XKR5: variants seen among roughly 807,000 people sequenced by gnomAD.
The protein encoded by XKR5 is XK related 5, also known as XK-related protein 5.
A neutral mutation model predicts 40.8 loss-of-function variants in XKR5; 46 were observed. The ratio of observed to expected loss-of-function variants is 1.13; its 90% CI spans 0.89 to 1.44. The LOEUF (loss-of-function observed/expected upper bound fraction) is 1.44, where lower values mean the gene tolerates loss of function less well. XKR5 is among the 40% of genes most tolerant of loss of function. The probability of loss-of-function intolerance (pLI) is 0.00; values close to 1 mark genes in which losing one functional copy is unlikely to be tolerated. For missense variants in XKR5, 1,169 were observed against 844.7 expected, an observed-to-expected ratio of 1.38 and a Z score of -4.76; for synonymous variants, 466 against 356.1, an observed-to-expected ratio of 1.31 and a Z score of -3.48.
chr8:6,825,385 G>T lies in XKR5; in HGVS notation c.243-36C>A. On this transcript the variant is annotated intron_variant, in intron 2 of 6. Coordinates refer to ENST00000618742, the MANE Select transcript of XKR5 (RefSeq NM_207411.5). ...GCAGAGGGCACGTGACACGGAGCCA[G>T]GCTGTGGCGAGATTCAATAGGACGA... 3.4e-6 allele frequency: 5 copies of T among 1,481,836 alleles called. No homozygotes were observed. The South Asian group carries it at 7.0e-5, about 21-fold the overall frequency. 91.8% of individuals were successfully genotyped at this position (1,481,836 alleles called of 1,614,324 possible). A position where few individuals can be genotyped will look rare whatever the true frequency, so the allele number is the denominator to read the frequency against.
At chr8:6,821,785 C>A in intron 5 of XKR5, 84 bp downstream of exon 5, 1 of 1,274,812 alleles carries the variant, frequency 7.8e-7, no homozygotes, top group Non-Finnish European at 1.1e-6. Flanking sequence ...GGTGCACACA[C>A]ACACACACCC....
chr8:6,812,357 G>T lies in XKR5; in HGVS notation c.920-18C>A. On this transcript the variant is annotated intron_variant, in intron 6 of 6. Coordinates refer to ENST00000618742, the MANE Select transcript of XKR5 (RefSeq NM_207411.5). ...GACACTGCCTGAAAAAGAACAAAAA[G>T]ACCACAAGGTTATGTTCTTTGAAGT... 1 of 1,526,086 alleles carries T rather than the reference G, an allele frequency of 6.6e-7. No homozygotes were observed. The allele number at this position is 1,526,086 out of a possible 1,614,324, so 94.5% of individuals were successfully genotyped here. A position where few individuals can be genotyped will look rare whatever the true frequency, so the allele number is the denominator to read the frequency against.
chr8:6,832,138 C>T (rs940079282), intron 2 of XKR5, among the ~76,000 whole-genome samples: 6 of 151,940 alleles, frequency 3.9e-5, no homozygotes, highest in African/African-American at 1.5e-4. Context: ...TCCTTGAATC[C>T]AGGTTCTCAA....
In XKR5 at chr8:6,811,950, C is replaced by T. The variant is rs754612034; in HGVS notation, c.1309G>A (p.Gly437Arg). The T allele has an allele frequency of 1.6e-5, 25 of 1,537,212 alleles. 1 individual carries two copies. In the South Asian group the frequency reaches 3.0e-4, roughly 18 times the overall value. The change falls in exon 7 of 7, where the codon GGG becomes AGG. Residue 437 changes from glycine (G) to arginine (R), a missense_variant. Physicochemically the swap from Gly to Arg is moderately radical, Grantham distance 125. Coordinates refer to ENST00000618742, the MANE Select transcript of XKR5 (RefSeq NM_207411.5). ...NSPAYCPPAW[G>R]LSQQDYLQRK... The stretch of plus-strand genomic sequence containing the variant: ...TGCAGGTAGTCCTGTTGACTCAACC[C>T]CCATGCAGGTGGACAATAGGCAGGA...
intron 6 of XKR5, among the ~76,000 whole-genome samples, chr8:6,815,416 C>T (rs1386357362): frequency 1.3e-5 from 2 of 152,148 alleles, no homozygotes; most frequent in African/African-American, 2.4e-5. Context: ...TCCTCCTCTG[C>T]TAGGGCACCC....
At chr8:6,830,339 C>A (rs1227126254) in intron 2 of XKR5, among the ~76,000 whole-genome samples, 1 of 152,182 alleles carries the variant, frequency 6.6e-6, no homozygotes, top group East Asian at 1.9e-4. Context: ...ACTAAAAATA[C>A]TGCTTCACTC....
At chr8:6,819,489 T>C (rs185083394) in intron 5 of XKR5, among the ~76,000 whole-genome samples, 115 of 152,274 alleles carry the variant, frequency 7.6e-4, no homozygotes, top group African/African-American at 2.7e-3. Context: ...ATTGGATCAA[T>C]GGAGTTTAGC....
chr8:6,832,553 C>G (rs180851692), intron 2 of XKR5, among the ~76,000 whole-genome samples, 164 bp downstream of exon 2: 1 of 151,642 alleles, frequency 6.6e-6, no homozygotes, highest in Non-Finnish European at 1.5e-5. Flanking sequence ...CAGGCTGGAC[C>G]CGGGCATGCC....
chr8:6,831,876 A>T (rs982062913), intron 2 of XKR5, among the ~76,000 whole-genome samples: 1 of 152,062 alleles, frequency 6.6e-6, no homozygotes, highest in African/African-American at 2.4e-5. Context: ...TTAGCCGGGC[A>T]TGGTGGCACG....
chr8:6,814,974 G>A (rs1803893075), intron 6 of XKR5, among the ~76,000 whole-genome samples: 1 of 152,190 alleles, frequency 6.6e-6, no homozygotes, highest in Admixed American at 6.5e-5. Context: ...ACCTCTTCAG[G>A]GTGTGGGTGA....
chr8:6,835,204 G>C (rs1426678386), intron 1 of XKR5, among the ~76,000 whole-genome samples: 1 of 151,964 alleles, frequency 6.6e-6, no homozygotes, highest in Non-Finnish European at 1.5e-5. Context: ...ACCGAGCATG[G>C]GTGGAGGAAA....
intron 5 of XKR5, 39 bp downstream of exon 5, chr8:6,821,830 T>C (rs757627878): frequency 1.9e-6 from 3 of 1,593,968 alleles, no homozygotes; most frequent in Non-Finnish European, 2.6e-6. Context: ...ACTTGCTGTA[T>C]ACACTGTAAA....
chr8:6,820,198 A>C (rs1157693642), intron 5 of XKR5, among the ~76,000 whole-genome samples: 2 of 152,248 alleles, frequency 1.3e-5, no homozygotes, highest in Non-Finnish European at 2.9e-5. Context: ...GTAGGGATCC[A>C]AGCCCCCGGG....
intron 2 of XKR5, among the ~76,000 whole-genome samples, chr8:6,828,010 A>C (rs1278380380): frequency 6.6e-6 from 1 of 152,154 alleles, no homozygotes; most frequent in Non-Finnish European, 1.5e-5. Flanking sequence ...CAAGGCTGCA[A>C]GTGAGCCATA....
At chr8:6,822,203 A>C (rs927809448) in intron 4 of XKR5, among the ~76,000 whole-genome samples, 165 bp from the exon 5 acceptor site, 2 of 152,176 alleles carry the variant, frequency 1.3e-5, no homozygotes, top group African/African-American at 4.8e-5. Context: ...GAAAACCAAC[A>C]CAGTTTATCT....
intron 4 of XKR5, among the ~76,000 whole-genome samples, chr8:6,822,299 T>C (rs1311926828): frequency 6.6e-6 from 1 of 152,230 alleles, no homozygotes; most frequent in Non-Finnish European, 1.5e-5. Flanking sequence ...TCAATAACAC[T>C]TGCCAAATAT....
intron 5 of XKR5, among the ~76,000 whole-genome samples, chr8:6,819,356 A>G (rs1804119180): frequency 6.6e-6 from 1 of 152,230 alleles, no homozygotes; most frequent in African/African-American, 2.4e-5. Context: ...AGCAGGGTGC[A>G]CATCTCAGGG....
rs141017056 is a variant in XKR5 at position 6,832,601 on chromosome 8, C to G, written c.242+116G>C. ...GGGGTTTGCTGTGGCCGCTTTGAAC[C>G]TCTTCCCAATGCTGAACTTTTATGA... On this transcript the variant is annotated intron_variant, in intron 2 of 6. Coordinates refer to ENST00000618742, the MANE Select transcript of XKR5 (RefSeq NM_207411.5). The G allele has an allele frequency of 2.5e-4, 337 of 1,369,288 alleles. No individual in the cohort carries two copies. The East Asian group carries it at 7.9e-3, about 32-fold the overall frequency. 84.8% of individuals were successfully genotyped at this position (1,369,288 alleles called of 1,614,324 possible).
chr8:6,829,917 A>G lies in XKR5; in HGVS notation c.242+2800T>C, dbSNP rs186915815. Among the ~76,000 whole-genome samples, 515 of 128,954 alleles carry G rather than the reference A, an allele frequency of 4.0e-3. 6 individuals carry two copies. Among genetic ancestry groups the G allele is most frequent in the Middle Eastern group, 0.012 (2 of 170 alleles). The allele number at this position is 128,954 out of a possible 152,430, so 84.6% of individuals were successfully genotyped here. ...CAGTGATGCAATCTCGGCTCACTGC[A>G]AGTTCCGCCTAACGGGTTCATGCCA... On this transcript the variant is annotated intron_variant, in intron 2 of 6. Transcript: ENST00000618742.
Sources: allele counts gnomAD v4.1 joint callset (sites outside exome capture counted in the v4.1 genomes callset), GRCh38; gene constraint gnomAD v4.1.1; transcripts MANE v1.5; gene names NCBI Gene and HGNC (gene_info 2026-07-23, HGNC 2026-07-21).